The following DBT variants were observed in gnomAD, a reference collection of about 807,000 sequenced individuals.
The protein encoded by DBT is dihydrolipoamide branched chain transacylase E2.
DBT carries 40 observed loss-of-function variants against 51.3 expected under a neutral mutation model. The ratio of observed to expected loss-of-function variants is 0.78; its 90% CI spans 0.61 to 1.02. The LOEUF is 1.02. Among genes scored for constraint, DBT ranks in the 50% least tolerant of loss-of-function variants. DBT has a pLI of 0.00. For missense variants in DBT, 510 were observed against 580.2 expected, an observed-to-expected ratio of 0.88 and a Z score of 1.24; for synonymous variants, 181 against 190.4, an observed-to-expected ratio of 0.95 and a Z score of 0.41.
In DBT at chr1:100,195,317, T is replaced by C. The variant is rs1438707624; in HGVS notation, c.*938A>G. 5.2e-5 allele frequency: 8 copies of C among 152,628 alleles called. No individual in the cohort carries two copies. The highest frequency in any genetic ancestry group is 1.2e-4 in the Non-Finnish European group (8 of 68,026). 9.5% of individuals were successfully genotyped at this position (152,628 alleles called of 1,614,324 possible). ...AAGCATTACCACAAATCTAAAACTA[T>C]ATCCATTTTAAACAAACACCTTTAA... On this transcript the variant is annotated 3_prime_UTR_variant, in exon 11 of 11. Coordinates refer to ENST00000370132, the MANE Select transcript of DBT (RefSeq NM_001918.5).
chr1:100,200,168 C>T (rs1309623430), intron 10 of DBT, among the ~76,000 whole-genome samples: 2 of 152,278 alleles, frequency 1.3e-5, no homozygotes, highest in Middle Eastern at 3.4e-3. Flanking sequence ...TTGAAATTCT[C>T]GCTGCCAGCA....
chr1:100,211,762 G>T (rs1662159696), intron 7 of DBT, among the ~76,000 whole-genome samples: 1 of 152,100 alleles, frequency 6.6e-6, no homozygotes, highest in Non-Finnish European at 1.5e-5. Flanking sequence ...TAATTTTTAT[G>T]ACTTGGAAGT....
intron 2 of DBT, among the ~76,000 whole-genome samples, chr1:100,239,278 G>C (rs992825471): frequency 2.6e-5 from 4 of 152,200 alleles, no homozygotes; most frequent in Admixed American, 2.6e-4. Context: ...AGGAATCCAA[G>C]TAGCCTGGAA....
chr1:100,214,729 G>A, intron 7 of DBT, 88 bp downstream of exon 7: 2 of 1,367,430 alleles, frequency 1.5e-6, no homozygotes, highest in Non-Finnish European at 2.1e-6. Flanking sequence ...ACTCCAGCCT[G>A]GGTGACAAGA....
At chr1:100,225,093 A>AAT (rs1402237825) in intron 4 of DBT, among the ~76,000 whole-genome samples, 1 of 146,318 alleles carries the variant, frequency 6.8e-6, no homozygotes, top group Non-Finnish European at 1.5e-5. Flanking sequence ...ACACACACAC[A>AAT]CATATAATCT....
intron 1 of DBT, chr1:100,249,352 G>A (rs1009844463): frequency 1.4e-5 from 4 of 278,328 alleles, no homozygotes; most frequent in Admixed American, 4.5e-5. Context: ...AACTTGAACG[G>A]CCTCTTCCTC....
chr1:100,226,340 G>C (rs1357002179), intron 4 of DBT, among the ~76,000 whole-genome samples: 2 of 144,774 alleles, frequency 1.4e-5, no homozygotes, highest in Admixed American at 1.4e-4. Flanking sequence ...CTAGAGTGCA[G>C]TGGCATTAAC....
intron 10 of DBT, chr1:100,196,794 ACTGAAGG>A (rs1661136092): frequency 4.7e-6 from 1 of 214,284 alleles, no homozygotes; most frequent in African/African-American, 2.4e-5. Context: ...AGGCTTCCTC[ACTGAAGG>A]CAGTGAGGAA....
chr1:100,231,302 A>T (rs1663545895), intron 3 of DBT, among the ~76,000 whole-genome samples: 1 of 152,236 alleles, frequency 6.6e-6, no homozygotes, highest in African/African-American at 2.4e-5. Flanking sequence ...TAAGTTTAAA[A>T]AGTGATGTCC....
intron 6 of DBT, among the ~76,000 whole-genome samples, chr1:100,215,412 C>T (rs981150994): frequency 6.6e-5 from 10 of 152,110 alleles, no homozygotes; most frequent in African/African-American, 2.2e-4. Context: ...TCAAACAGAG[C>T]AATTATCAAT....
intron 4 of DBT, among the ~76,000 whole-genome samples, chr1:100,223,427 A>C (rs1662985869): frequency 6.6e-6 from 1 of 152,168 alleles, no homozygotes; most frequent in African/African-American, 2.4e-5. Flanking sequence ...CCAGGACTAC[A>C]GGGGTGTACT....
At chr1:100,205,199 C>T (rs1661690013) in intron 10 of DBT, among the ~76,000 whole-genome samples, 1 of 152,144 alleles carries the variant, frequency 6.6e-6, no homozygotes, top group Non-Finnish European at 1.5e-5. Context: ...TTTTTGCAAT[C>T]TATCTATCTG....
intron 7 of DBT, chr1:100,213,809 G>C (rs191635509): frequency 1.4e-6 from 2 of 1,422,132 alleles, no homozygotes; most frequent in East Asian, 5.2e-5. Context: ...CGCCAGCTGC[G>C]GTTTCCCGGA....
chr1:100,191,603 G>C lies in DBT; in HGVS notation c.*4652C>G, dbSNP rs1218980903. ...CCATTCTCGATCCATGTAGTTGAAT[G>C]AGGATGGCTGACTCCTAGGCTCCAA... is the stretch of plus-strand genomic sequence containing the variant. On this transcript the variant is annotated 3_prime_UTR_variant, in exon 11 of 11. Coordinates refer to ENST00000370132, the MANE Select transcript of DBT (RefSeq NM_001918.5). 1 of 152,246 alleles carries C rather than the reference G, an allele frequency of 6.6e-6. No homozygotes were observed. Among genetic ancestry groups the C allele is most frequent in the East Asian group, 1.9e-4 (1 of 5,200 alleles). 9.4% of individuals were successfully genotyped at this position (152,246 alleles called of 1,614,324 possible).
chr1:100,246,816 G>A (rs763657174), intron 1 of DBT, among the ~76,000 whole-genome samples: 4 of 152,214 alleles, frequency 2.6e-5, no homozygotes, highest in Non-Finnish European at 4.4e-5. Context: ...ATTATAACAC[G>A]TGCTATAATG....
chr1:100,231,004 G>A, intron 3 of DBT, 90 bp from the exon 4 acceptor site: 2 of 803,610 alleles, frequency 2.5e-6, no homozygotes, highest in South Asian at 2.8e-5. Context: ...AGTTAGATCA[G>A]TATTCATCTA....
At chr1:100,242,536 A>T (rs114600758) in intron 1 of DBT, among the ~76,000 whole-genome samples, 2,273 of 152,316 alleles carry the variant, frequency 0.015, 26 homozygotes, top group Non-Finnish European at 0.022. Flanking sequence ...TCTTTATAAT[A>T]TCAACATTTT....
intron 4 of DBT, among the ~76,000 whole-genome samples, chr1:100,225,022 C>CAAA (rs1553231585): frequency 0.029 from 1,859 of 64,162 alleles, 287 homozygotes; most frequent in African/African-American, 0.038. Flanking sequence ...CGTCTCCCCC[C>CAAA]AAAAAAAAAA....
At chr1:100,241,567 G>T (rs996151601) in intron 1 of DBT, among the ~76,000 whole-genome samples, 7 of 151,886 alleles carry the variant, frequency 4.6e-5, no homozygotes, top group Admixed American at 4.6e-4. Context: ...AATTAATTTT[G>T]TTTATTATTT....
Sources: allele counts gnomAD v4.1 joint callset (sites outside exome capture counted in the v4.1 genomes callset), GRCh38; gene constraint gnomAD v4.1.1; transcripts MANE v1.5; gene names NCBI Gene and HGNC (gene_info 2026-07-23, HGNC 2026-07-21).